Variants in DNM3 observed in about 807,000 individuals in gnomAD.
DNM3 encodes the protein dynamin 3.
Under a neutral mutation model 101.6 loss-of-function variants are expected in DNM3, and 47 were observed. That is an observed-to-expected ratio of 0.46 (90% CI 0.37 to 0.59). The LOEUF is 0.59. DNM3 is among the 20% of genes least tolerant of loss of function. The probability of loss-of-function intolerance (pLI) is 0.00; values close to 1 mark genes in which losing one functional copy is unlikely to be tolerated. For synonymous variants in DNM3, 385 were observed against 387.9 expected (o/e 0.99, Z 0.09); for missense variants, 849 against 1,085.7 (o/e 0.78, Z 3.06).
intron 1 of DNM3, among the ~76,000 whole-genome samples, chr1:171,903,275 ATGT>A (rs1276407372): frequency 3.3e-5 from 5 of 152,220 alleles, no homozygotes; most frequent in African/African-American, 1.2e-4. Context: ...TTCTTAAAAA[ATGT>A]TGTATGTATA....
At chr1:172,320,489 A>T (rs1302602310) in intron 16 of DNM3, among the ~76,000 whole-genome samples, 1 of 152,280 alleles carries the variant, frequency 6.6e-6, no homozygotes, top group East Asian at 1.9e-4. Context: ...AGGGACATGG[A>T]TGAAGCTGGA....
At chr1:172,070,255 A>C (rs1290516346) in intron 11 of DNM3, among the ~76,000 whole-genome samples, 1 of 152,200 alleles carries the variant, frequency 6.6e-6, no homozygotes, top group African/African-American at 2.4e-5. Flanking sequence ...TTAACTCCTG[A>C]GTCAGTGAAA....
At chr1:171,895,593 G>A (rs2037712553) in intron 1 of DNM3, among the ~76,000 whole-genome samples, 1 of 152,098 alleles carries the variant, frequency 6.6e-6, no homozygotes, top group African/African-American at 2.4e-5. Flanking sequence ...TAGGTTGCCT[G>A]TTCACTCTGA....
chr1:172,008,843 A>ATATAT (rs1293294102), intron 4 of DNM3, among the ~76,000 whole-genome samples: 1 of 139,008 alleles, frequency 7.2e-6, no homozygotes, highest in Non-Finnish European at 1.5e-5. Context: ...ATATATATTA[A>ATATAT]TATATTATAT....
chr1:171,923,357 G>T (rs2040326986), intron 2 of DNM3, among the ~76,000 whole-genome samples: 1 of 151,720 alleles, frequency 6.6e-6, no homozygotes, highest in Admixed American at 6.6e-5. Context: ...TTTTAAATTT[G>T]GTTATTTGCC....
Position 172,078,949 on chromosome 1 carries a change from A to C in DNM3, c.1423-2883A>C, listed in dbSNP as rs189454098. On this transcript the variant is annotated intron_variant, in intron 11 of 20. Transcript: ENST00000627582. ...TTAAGAATGTTGAATATTGGCTCTC[A>C]CTCTCTTCTGGCTTGTAGAGTTTCT... Among the ~76,000 whole-genome samples, 484 of 151,930 alleles carry C rather than the reference A, an allele frequency of 3.2e-3. 4 individuals are homozygous for C. Among genetic ancestry groups the C allele is most frequent in the African/African-American group, 0.011 (461 of 41,430 alleles).
At chr1:172,361,031 CA>C (rs1259944002) in intron 17 of DNM3, among the ~76,000 whole-genome samples, 1 of 151,990 alleles carries the variant, frequency 6.6e-6, no homozygotes, top group Non-Finnish European at 1.5e-5. Flanking sequence ...ACTTTTACAA[CA>C]GAAGTCAGAG....
At chr1:172,158,838 CTACTA>C (rs2058441907) in intron 14 of DNM3, among the ~76,000 whole-genome samples, 1 of 152,018 alleles carries the variant, frequency 6.6e-6, no homozygotes. Context: ...CCCTAATACT[CTACTA>C]TGTGAGCTAC....
At chr1:172,379,294 C>T (rs1214744091) in intron 18 of DNM3, 112 bp downstream of exon 18, 1 of 949,588 alleles carries the variant, frequency 1.1e-6, no homozygotes, top group Non-Finnish European at 1.5e-6. Context: ...AATAATATTA[C>T]CCAGGTTCAT....
intron 20 of DNM3, chr1:172,397,310 T>C (rs1197856096): frequency 6.6e-6 from 1 of 152,644 alleles, no homozygotes; most frequent in Non-Finnish European, 1.5e-5. Context: ...TTAGTAAATG[T>C]GTTAAACAGA....
intron 4 of DNM3, among the ~76,000 whole-genome samples, chr1:172,018,504 G>A (rs1181914634): frequency 2.0e-5 from 3 of 152,078 alleles, no homozygotes; most frequent in Non-Finnish European, 4.4e-5. Context: ...CTTTATGATG[G>A]TGAGAAAGTG....
chr1:171,897,506 A>G (rs1162931181), intron 1 of DNM3, among the ~76,000 whole-genome samples: 2 of 152,238 alleles, frequency 1.3e-5, no homozygotes, highest in Non-Finnish European at 2.9e-5. Flanking sequence ...GGGATTTGAC[A>G]GTAGTGAATA....
At chr1:172,291,009 G>A (rs1296825541) in intron 15 of DNM3, among the ~76,000 whole-genome samples, 1 of 152,148 alleles carries the variant, frequency 6.6e-6, no homozygotes, top group Non-Finnish European at 1.5e-5. Context: ...CTACAGTAAA[G>A]CCAAGTAATG....
At chr1:172,162,206 G>T (rs955683941) in intron 14 of DNM3, among the ~76,000 whole-genome samples, 9 of 152,060 alleles carry the variant, frequency 5.9e-5, no homozygotes, top group African/African-American at 2.2e-4. Flanking sequence ...CCTAACCTCT[G>T]CTTTTGATTA....
In DNM3 at chr1:172,388,712, C is replaced by A; in HGVS notation, c.2425C>A (p.Pro809Thr). 2 of 1,613,804 alleles carry A rather than the reference C, an allele frequency of 1.2e-6. No homozygotes were observed. The highest frequency in any genetic ancestry group is 8.5e-7 in the Non-Finnish European group (1 of 1,179,830). Reference sequence around the variant, plus strand: ...TGGGGCTCCTCCAGTCCCATTCCGTCCAGGCCCATTACCTCCTTTCCCCAG... The same window carrying A: ...TGGGGCTCCTCCAGTCCCATTCCGTACAGGCCCATTACCTCCTTTCCCCAG... ...HSGAPPVPFR[P>T]GPLPPFPSSS... Residue 809 changes from proline to threonine, a missense_variant, in exon 20 of 21, where the codon CCA (proline) becomes ACA (threonine). Transcript: ENST00000627582.
At chr1:171,963,768 G>A (rs963028572) in intron 2 of DNM3, among the ~76,000 whole-genome samples, 26 of 148,034 alleles carry the variant, frequency 1.8e-4, no homozygotes, top group Admixed American at 4.7e-4. Context: ...TATAGATAAC[G>A]TATATATATA....
intron 15 of DNM3, among the ~76,000 whole-genome samples, chr1:172,281,394 G>A (rs2148786156): frequency 6.6e-6 from 1 of 152,158 alleles, no homozygotes; most frequent in East Asian, 1.9e-4. Flanking sequence ...GCAATCTCAA[G>A]ATGAGAGTAA....
At chr1:172,286,086 AC>A (rs1022940790) in intron 15 of DNM3, among the ~76,000 whole-genome samples, 1 of 150,328 alleles carries the variant, frequency 6.7e-6, no homozygotes, top group Non-Finnish European at 1.5e-5. Context: ...ATATATATAT[AC>A]TATTATCATT....
chr1:172,106,632 C>T (rs1572534310), intron 13 of DNM3, among the ~76,000 whole-genome samples: 1 of 151,942 alleles, frequency 6.6e-6, no homozygotes, highest in East Asian at 1.9e-4. Context: ...GTAAATTCTT[C>T]TATTCCTCTG....
Sources: gnomAD v4.1 joint callset for allele counts (sites outside exome capture counted in the v4.1 genomes callset) on GRCh38, gnomAD v4.1.1 for gene constraint, MANE v1.5 for transcripts, NCBI Gene and HGNC (gene_info 2026-07-23, HGNC 2026-07-21) for gene names.